Variants in FANK1 observed in about 807,000 individuals in gnomAD.
The protein encoded by FANK1 is fibronectin type III and ankyrin repeat domains 1.
In FANK1, 44 loss-of-function variants were observed where a neutral mutation model predicts 45.3. The ratio of observed to expected loss-of-function variants is 0.97; its 90% confidence interval spans 0.76 to 1.25. The LOEUF (loss-of-function observed/expected upper bound fraction) is 1.25. Ranked by LOEUF, FANK1 falls within the 50% of genes most tolerant of loss-of-function variation. The pLI is 0.00. For missense variants in FANK1, 391 were observed against 424.4 expected, an observed-to-expected ratio of 0.92 and a Z score of 0.69; for synonymous variants, 149 against 152.5, an observed-to-expected ratio of 0.98 and a Z score of 0.17.
At chr10:125,993,002 A>G (rs767026415) in intron 3 of FANK1, among the ~76,000 whole-genome samples, 1 of 152,292 alleles carries the variant, frequency 6.6e-6, no homozygotes, top group African/African-American at 2.4e-5. Context: ...AGTGGGCCTC[A>G]TGGAAGACTT....
intron 1 of FANK1, among the ~76,000 whole-genome samples, chr10:125,966,554 AT>A (rs1451634752): frequency 6.6e-6 from 1 of 152,168 alleles, no homozygotes; most frequent in Non-Finnish European, 1.5e-5. Context: ...CAGGAGAGGT[AT>A]CCCACAAGTG....
Position 125,924,671 on chromosome 10 carries a change from T to C in FANK1, c.13+28016T>C, listed in dbSNP as rs540338578. On this transcript the variant is annotated intron_variant, in intron 1 of 10. Coordinates refer to ENST00000368693, the MANE Select transcript of FANK1 (RefSeq NM_145235.5). ...AAACACACAAAAAATTAGCCTGGCG[T>C]GGTGGTGTGAGCCTGTGGTCCCAGC... Among the ~76,000 whole-genome samples the C allele has an allele frequency of 2.6e-5, 4 of 152,028 alleles. No individual in the cohort carries two copies. The East Asian group carries it at 7.8e-4, about 30-fold the overall frequency.
chr10:125,972,946 C>G (rs1330775680), intron 1 of FANK1: 1 of 150,556 alleles, frequency 6.6e-6, no homozygotes, highest in East Asian at 2.0e-4. Flanking sequence ...ACCAACTTTC[C>G]AAGCACCACA....
At chr10:125,924,832 T>C (rs1470663113) in intron 1 of FANK1, among the ~76,000 whole-genome samples, 1 of 151,552 alleles carries the variant, frequency 6.6e-6, no homozygotes, top group Admixed American at 6.6e-5. Flanking sequence ...AAAAAAAGAC[T>C]ATCATTTTCC....
intron 7 of FANK1, among the ~76,000 whole-genome samples, chr10:126,006,609 C>T (rs2133356148): frequency 6.6e-6 from 1 of 152,346 alleles, no homozygotes; most frequent in Non-Finnish European, 1.5e-5. Context: ...CCTGTAATCC[C>T]AGCACTTTGG....
chr10:125,957,673 C>T (rs1269036124), intron 1 of FANK1, among the ~76,000 whole-genome samples: 5 of 151,846 alleles, frequency 3.3e-5, no homozygotes, highest in Admixed American at 6.6e-5. Flanking sequence ...TACAGGCACC[C>T]GGCACCACAC....
At chr10:125,915,527 C>A (rs1207408486) in intron 1 of FANK1, among the ~76,000 whole-genome samples, 1 of 152,200 alleles carries the variant, frequency 6.6e-6, no homozygotes, top group Non-Finnish European at 1.5e-5. Context: ...ACTAGAAAAC[C>A]TTAAAGGGGC....
intron 1 of FANK1, among the ~76,000 whole-genome samples, chr10:125,944,815 A>G (rs528748852): frequency 3.9e-5 from 6 of 152,342 alleles, no homozygotes; most frequent in Admixed American, 2.6e-4. Context: ...TTTAACATCT[A>G]TAGAAACAAT....
At chr10:125,945,707 T>C (rs1372288963) in intron 1 of FANK1, among the ~76,000 whole-genome samples, 2 of 152,020 alleles carry the variant, frequency 1.3e-5, no homozygotes, top group African/African-American at 4.8e-5. Flanking sequence ...CTTGCTTAGG[T>C]AAACAAAGCA....
chr10:125,994,461 G>A (rs899945588), intron 3 of FANK1: 14 of 985,132 alleles, frequency 1.4e-5, no homozygotes, highest in Non-Finnish European at 1.7e-5. Flanking sequence ...TGCGGATGAG[G>A]GGCTGGGCGT....
At position 125,996,564 on chromosome 10, in the gene FANK1, A is replaced by C; in HGVS notation, c.413A>C (p.Asp138Ala). The C allele has an allele frequency of 6.2e-7, 1 of 1,614,156 alleles. No individual in the cohort carries two copies. Among genetic ancestry groups the C allele is most frequent in the Non-Finnish European group, 8.5e-7 (1 of 1,180,024 alleles). ...CTTTTCCCAAGCCGTGTTAAGGTTG[A>C]TGTTCCCAATAAGTTTGGCTTTACC... The part of the protein sequence containing the change: ...RILQGGRVKV[D>A]VPNKFGFTAL... The change falls in exon 5 of 11, where the codon GAT becomes GCT. Residue 138 changes from aspartate (D) to alanine (A), a missense_variant. Asp to Ala is a moderately radical substitution (Grantham distance 126). Transcript: ENST00000368693.
intron 1 of FANK1, chr10:125,972,671 A>G (rs1950591333): frequency 6.6e-6 from 1 of 152,188 alleles, no homozygotes; most frequent in South Asian, 2.1e-4. Context: ...GGAGATTTAC[A>G]TCTTGATGAG....
At chr10:125,925,492 C>T (rs1564879340) in intron 1 of FANK1, among the ~76,000 whole-genome samples, 1 of 152,150 alleles carries the variant, frequency 6.6e-6, no homozygotes, top group Non-Finnish European at 1.5e-5. Context: ...TCCCTGCTGC[C>T]TTGAACTCCT....
At chr10:125,965,346 A>G (rs1269855169) in intron 1 of FANK1, among the ~76,000 whole-genome samples, 1 of 152,222 alleles carries the variant, frequency 6.6e-6, no homozygotes, top group Non-Finnish European at 1.5e-5. Context: ...ACACTTTGCT[A>G]TTGTGAAAGT....
intron 2 of FANK1, among the ~76,000 whole-genome samples, chr10:125,982,136 T>C (rs1294515270): frequency 6.6e-6 from 1 of 152,224 alleles, no homozygotes; most frequent in Non-Finnish European, 1.5e-5. Context: ...TGAGAAACAT[T>C]TCTCTTGAGA....
intron 1 of FANK1, among the ~76,000 whole-genome samples, chr10:125,905,685 TC>T (rs1945441750): frequency 1.3e-5 from 2 of 152,158 alleles, no homozygotes; most frequent in Admixed American, 1.3e-4. Flanking sequence ...GGGAGATAAC[TC>T]CCCCCTCTTG....
intron 1 of FANK1, among the ~76,000 whole-genome samples, chr10:125,897,310 G>A (rs529854940): frequency 6.6e-6 from 1 of 152,398 alleles, no homozygotes; most frequent in Non-Finnish European, 1.5e-5. Context: ...TGAGTTATCA[G>A]ATCTAAACAC....
intron 1 of FANK1, among the ~76,000 whole-genome samples, chr10:125,941,112 A>G (rs1948427425): frequency 6.6e-6 from 1 of 152,238 alleles, no homozygotes; most frequent in Admixed American, 6.5e-5. Context: ...GATAGGAAAT[A>G]ACATTTTCAC....
At chr10:125,997,731 T>G (rs1590221021) in intron 6 of FANK1, among the ~76,000 whole-genome samples, 1 of 152,312 alleles carries the variant, frequency 6.6e-6, no homozygotes, top group African/African-American at 2.4e-5. Context: ...TCTGGCATGG[T>G]CCCTGTGCCC....
Sources: allele counts gnomAD v4.1 joint callset (sites outside exome capture counted in the v4.1 genomes callset), GRCh38; gene constraint gnomAD v4.1.1; transcripts MANE v1.5; gene names NCBI Gene and HGNC (gene_info 2026-07-23, HGNC 2026-07-21).